The following AFF3 variants were observed in gnomAD, a reference collection of about 807,000 sequenced individuals.
AFF3 encodes AF4/FMR2 family member 3.
A neutral mutation model predicts 129.7 loss-of-function variants in AFF3; 32 were observed. The ratio of observed to expected loss-of-function variants is 0.25; its 90% CI spans 0.19 to 0.33. The LOEUF (loss-of-function observed/expected upper bound fraction) is 0.33, where lower values mean the gene tolerates loss of function less well. Among genes scored for constraint, AFF3 ranks in the 10% least tolerant of loss-of-function variants. The probability of loss-of-function intolerance (pLI) is 1.00; values close to 1 mark genes in which losing one functional copy is unlikely to be tolerated. For missense variants in AFF3, 1,373 were observed against 1,592.0 expected, an observed-to-expected ratio of 0.86 and a Z score of 2.34; for synonymous variants, 644 against 635.4, an observed-to-expected ratio of 1.01 and a Z score of -0.20.
intron 7 of AFF3, among the ~76,000 whole-genome samples, chr2:99,876,962 T>C (rs757104657): frequency 3.3e-5 from 5 of 152,202 alleles, no homozygotes; most frequent in Non-Finnish European, 7.3e-5. Context: ...TTGGATTTTA[T>C]AGTGGCAAAA....
At chr2:100,034,667 A>G (rs1161038468) in intron 4 of AFF3, among the ~76,000 whole-genome samples, 1 of 152,178 alleles carries the variant, frequency 6.6e-6, no homozygotes, top group Non-Finnish European at 1.5e-5. Flanking sequence ...TACACTTTAC[A>G]TAACAAAGAA....
At chr2:99,870,601 G>T (rs978108390) in intron 7 of AFF3, among the ~76,000 whole-genome samples, 1 of 152,202 alleles carries the variant, frequency 6.6e-6, no homozygotes, top group African/African-American at 2.4e-5. Context: ...GAGAAGATGG[G>T]TGCCCACCTG....
At chr2:99,932,022 A>C (rs146529940) in intron 7 of AFF3, among the ~76,000 whole-genome samples, 209 of 152,326 alleles carry the variant, frequency 1.4e-3, no homozygotes, top group African/African-American at 4.7e-3. Flanking sequence ...TAAATGGCAC[A>C]GACTTTTTAA....
intron 7 of AFF3, among the ~76,000 whole-genome samples, chr2:99,890,516 C>A (rs780493739): frequency 1.3e-5 from 2 of 152,176 alleles, no homozygotes; most frequent in African/African-American, 4.8e-5. Flanking sequence ...TGGACAGTCA[C>A]GAGGCTTGAC....
rs1246453063 is a variant in AFF3, at chr2:99,766,524, TA to T, written c.922-14224del. Among the ~76,000 whole-genome samples the T allele has an allele frequency of 7.2e-5, 11 of 152,336 alleles. No individual in the cohort carries two copies. In the East Asian group the frequency reaches 1.9e-3, roughly 27 times the overall value. On this transcript the variant is annotated intron_variant, in intron 8 of 24. Coordinates refer to ENST00000672756, the MANE Select transcript of AFF3 (RefSeq NM_001386135.1). ...ATCCAGAGGCTGGAGGAAAGCTGGT[TA>T]GCCTTGGAAAAACCATCTTTTCTTT...
intron 20 of AFF3, 24 bp downstream of exon 20, chr2:99,565,463 C>T: frequency 6.2e-7 from 1 of 1,608,062 alleles, no homozygotes; most frequent in Admixed American, 1.7e-5. Flanking sequence ...CTCCCCTCAT[C>T]CAGCAAGAAA....
chr2:99,884,429 C>T (rs1424749050), intron 7 of AFF3, among the ~76,000 whole-genome samples: 1 of 152,162 alleles, frequency 6.6e-6, no homozygotes. Flanking sequence ...GACAGACTCT[C>T]ACCCTGTCTC....
intron 13 of AFF3, among the ~76,000 whole-genome samples, chr2:99,606,820 A>T (rs1368505858): frequency 1.4e-5 from 2 of 147,276 alleles, no homozygotes; most frequent in African/African-American, 5.0e-5. Flanking sequence ...AGGCTGAGGC[A>T]GGAGAATGGT....
At chr2:99,978,242 AG>A (rs1473472996) in intron 7 of AFF3, among the ~76,000 whole-genome samples, 1 of 152,196 alleles carries the variant, frequency 6.6e-6, no homozygotes, top group Non-Finnish European at 1.5e-5. Flanking sequence ...TCTGACTCCC[AG>A]GAACTACAAA....
intron 10 of AFF3, among the ~76,000 whole-genome samples, chr2:99,741,529 T>C (rs1247834690): frequency 6.6e-6 from 1 of 152,200 alleles, no homozygotes; most frequent in Admixed American, 6.5e-5. Flanking sequence ...GAAGGACCTC[T>C]TCAAGGAGAA....
At chr2:99,752,404 G>T in intron 8 of AFF3, 103 bp from the exon 9 acceptor site, 1 of 868,418 alleles carries the variant, frequency 1.2e-6, no homozygotes. Context: ...AGGCAGGGAA[G>T]GGTTAAAAAA....
intron 2 of AFF3, chr2:100,107,499 G>A: frequency 1.0e-6 from 1 of 985,320 alleles, no homozygotes; most frequent in Non-Finnish European, 1.2e-6. Context: ...AAAAATGTTA[G>A]AGTGATGTTT....
intron 4 of AFF3, among the ~76,000 whole-genome samples, chr2:100,083,357 C>G (rs1213802932): frequency 1.3e-5 from 2 of 152,290 alleles, no homozygotes; most frequent in Admixed American, 1.3e-4. Flanking sequence ...CTGAGGTTTT[C>G]CTGGAGTACC....
At chr2:99,679,801 A>G (rs529796272) in intron 11 of AFF3, among the ~76,000 whole-genome samples, 2 of 152,204 alleles carry the variant, frequency 1.3e-5, no homozygotes, top group Non-Finnish European at 2.9e-5. Context: ...CCACATCTCC[A>G]AAGTGAGAGT....
At chr2:99,594,408 C>T (rs1160217536) in intron 14 of AFF3, 119 bp from the exon 15 acceptor site, 1 of 1,421,316 alleles carries the variant, frequency 7.0e-7, no homozygotes, top group African/African-American at 1.4e-5. Flanking sequence ...AACGAATGGG[C>T]TGGAAGCAAA....
chr2:99,916,649 A>G (rs1369897344), intron 7 of AFF3, among the ~76,000 whole-genome samples: 1 of 152,176 alleles, frequency 6.6e-6, no homozygotes, highest in Non-Finnish European at 1.5e-5. Flanking sequence ...CAGTACAACC[A>G]CAGTCAAGAA....
Position 99,593,962 on chromosome 2 carries a change from C to A in AFF3, c.1699G>T (p.Val567Leu), listed in dbSNP as rs751362673. 6.1e-6 allele frequency: 9 copies of A among 1,487,172 alleles called. No homozygotes were observed. The highest frequency in any genetic ancestry group is 8.0e-6 in the Non-Finnish European group (9 of 1,119,936). 92.1% of individuals were successfully genotyped at this position (1,487,172 alleles called of 1,614,324 possible). ...GCGTTCTCCGCGGGCGCACAGGGCA[C>A]TGCGGGTGGCGGGGCGGCTGCGCTC... The part of the protein sequence containing the change: ...AVSAAAPPPA[V>L]PCAPAENAPA... The change falls in exon 15 of 25, where the codon GTG becomes TTG. Residue 567 changes from valine to leucine, a missense_variant. Transcript: ENST00000672756.
intron 7 of AFF3, among the ~76,000 whole-genome samples, chr2:99,848,151 G>A (rs1195828522): frequency 6.6e-6 from 1 of 152,064 alleles, no homozygotes; most frequent in Non-Finnish European, 1.5e-5. Flanking sequence ...TTGGGAGGCT[G>A]AGGTGGGAGA....
At chr2:99,842,463 C>T (rs1689389417) in intron 7 of AFF3, among the ~76,000 whole-genome samples, 1 of 152,078 alleles carries the variant, frequency 6.6e-6, no homozygotes, top group African/African-American at 2.4e-5. Context: ...CGGTTTGTAG[C>T]TGTTGTTTCA....
Sources: allele counts gnomAD v4.1 joint callset (sites outside exome capture counted in the v4.1 genomes callset), GRCh38; gene constraint gnomAD v4.1.1; transcripts MANE v1.5; gene names NCBI Gene and HGNC (gene_info 2026-07-23, HGNC 2026-07-21).